Variants in SLC39A11 observed in about 807,000 individuals in gnomAD.
SLC39A11 encodes the protein solute carrier family 39 member 11.
Under a neutral mutation model 36.1 loss-of-function variants are expected in SLC39A11, and 33 were observed. The ratio of observed to expected loss-of-function variants is 0.91; its 90% CI spans 0.69 to 1.22. SLC39A11 has a LOEUF of 1.22. SLC39A11 is among the 50% of genes most tolerant of loss of function. The pLI is 0.00. For missense variants in SLC39A11, 432 were observed against 430.3 expected, an observed-to-expected ratio of 1.00 and a Z score of -0.03; for synonymous variants, 166 against 170.3, an observed-to-expected ratio of 0.97 and a Z score of 0.20.
chr17:73,074,304 AC>A lies in SLC39A11; in HGVS notation c.147+10503del, dbSNP rs1310852190. On this transcript the variant is annotated intron_variant, in intron 3 of 9. Transcript: ENST00000255559. ...ACTTCATGCTACAATTATTCCCCCCACCCCCCGCCCCAAGACAGAGTCTTGC... is the reference window on the plus strand; with the variant it reads ...ACTTCATGCTACAATTATTCCCCCCACCCCCGCCCCAAGACAGAGTCTTGC... 5.4e-5 allele frequency among the ~76,000 whole-genome samples: 3 copies of A among 55,442 alleles called. No individual in the cohort carries two copies. The Admixed American group carries it at 6.7e-4, about 12-fold the overall frequency. The allele number at this position is 55,442 out of a possible 152,430, so 36.4% of individuals were successfully genotyped here. A position where few individuals can be genotyped will look rare whatever the true frequency, so the allele number is the denominator to read the frequency against.
At chr17:73,040,988 A>AAAAAACC (rs143631644) in intron 3 of SLC39A11, among the ~76,000 whole-genome samples, 2 of 132,174 alleles carry the variant, frequency 1.5e-5, no homozygotes, top group Non-Finnish European at 3.1e-5. Flanking sequence ...CCATCTCAAA[A>AAAAAACC]AAAAAACAAA....
chr17:72,857,892 T>C (rs1022915124), intron 5 of SLC39A11, among the ~76,000 whole-genome samples: 2 of 152,186 alleles, frequency 1.3e-5, no homozygotes, highest in African/African-American at 4.8e-5. Flanking sequence ...GTCAGATGCA[T>C]AGTTTGCAAA....
chr17:72,837,360 CAAAA>C (rs34639176), intron 6 of SLC39A11, among the ~76,000 whole-genome samples: 9 of 91,132 alleles, frequency 9.9e-5, no homozygotes, highest in East Asian at 3.3e-4. Flanking sequence ...GTATATTGCT[CAAAA>C]AAAAAAAAAA....
At chr17:72,820,879 C>T (rs1250263895) in intron 6 of SLC39A11, among the ~76,000 whole-genome samples, 1 of 151,156 alleles carries the variant, frequency 6.6e-6, no homozygotes, top group East Asian at 1.9e-4. Flanking sequence ...ACAGGGTCCC[C>T]CCAGCACTTC....
At chr17:73,014,608 G>C (rs1485807473) in intron 4 of SLC39A11, among the ~76,000 whole-genome samples, 1 of 152,214 alleles carries the variant, frequency 6.6e-6, no homozygotes, top group Non-Finnish European at 1.5e-5. Flanking sequence ...AATGAACTGT[G>C]ATCGTGCCAC....
chr17:72,810,671 G>A (rs1190619547), intron 6 of SLC39A11, among the ~76,000 whole-genome samples: 1 of 152,006 alleles, frequency 6.6e-6, no homozygotes, highest in Non-Finnish European at 1.5e-5. Flanking sequence ...GGTTATATGG[G>A]ATATACATAT....
chr17:72,883,764 G>T (rs1225132237), intron 5 of SLC39A11, among the ~76,000 whole-genome samples: 1 of 152,206 alleles, frequency 6.6e-6, no homozygotes, highest in African/African-American at 2.4e-5. Flanking sequence ...CCTCCTTATT[G>T]TGGAGGGAAG....
At chr17:72,960,521 G>T (rs1420582608) in intron 4 of SLC39A11, among the ~76,000 whole-genome samples, 2 of 152,184 alleles carry the variant, frequency 1.3e-5, no homozygotes, top group African/African-American at 4.8e-5. Flanking sequence ...GCTGGATGTG[G>T]TGGTTCACGC....
chr17:72,652,118 A>G (rs764737725), intron 7 of SLC39A11, among the ~76,000 whole-genome samples: 8 of 152,192 alleles, frequency 5.3e-5, no homozygotes, highest in Admixed American at 2.0e-4. Context: ...GTGGCTATGG[A>G]CAGTACATAA....
chr17:72,889,123 T>G (rs1444674909), intron 5 of SLC39A11, among the ~76,000 whole-genome samples: 2 of 152,186 alleles, frequency 1.3e-5, no homozygotes, highest in Non-Finnish European at 2.9e-5. Context: ...TATAAACGTT[T>G]AGAGATGCAG....
chr17:72,861,664 T>TATATATATATATATATC (rs2080007343), intron 5 of SLC39A11, among the ~76,000 whole-genome samples: 1 of 101,086 alleles, frequency 9.9e-6, no homozygotes, highest in South Asian at 3.2e-4. Context: ...ACATTATATA[T>TATATATATATATATATC]ATATATATAT....
chr17:72,847,023 G>A (rs934494883), intron 6 of SLC39A11, among the ~76,000 whole-genome samples: 3 of 152,136 alleles, frequency 2.0e-5, no homozygotes, highest in African/African-American at 7.2e-5. Flanking sequence ...CTTCCACCAA[G>A]GCTAACCCAC....
intron 2 of SLC39A11, 69 bp downstream of exon 2, chr17:73,088,588 G>T: frequency 8.0e-7 from 1 of 1,246,092 alleles, no homozygotes; most frequent in Non-Finnish European, 1.2e-6. Context: ...CCTGCTCCAT[G>T]GAGTGGGACA....
intron 7 of SLC39A11, among the ~76,000 whole-genome samples, chr17:72,721,048 GAGACT>G: frequency 6.7e-6 from 1 of 149,894 alleles, no homozygotes; most frequent in East Asian, 2.0e-4. Flanking sequence ...TCTGGGGCCA[GAGACT>G]AGACTAGGCA....
At chr17:73,085,126 C>T (rs182930053) in intron 2 of SLC39A11, among the ~76,000 whole-genome samples, 2 of 152,278 alleles carry the variant, frequency 1.3e-5, no homozygotes, top group Non-Finnish European at 1.5e-5. Context: ...CTGTGAATTA[C>T]AACTGTAAAC....
At chr17:72,892,891 G>A (rs1467611576) in intron 5 of SLC39A11, among the ~76,000 whole-genome samples, 2 of 152,214 alleles carry the variant, frequency 1.3e-5, no homozygotes, top group Non-Finnish European at 1.5e-5. Flanking sequence ...GGAAGGGAAC[G>A]AATGTAGCTA....
chr17:73,046,851 G>T (rs2059310551), intron 3 of SLC39A11, among the ~76,000 whole-genome samples: 1 of 152,010 alleles, frequency 6.6e-6, no homozygotes, highest in Admixed American at 6.5e-5. Context: ...TGAAGTGGGG[G>T]CATCGCTTGA....
At chr17:72,688,528 G>A (rs956368074) in intron 7 of SLC39A11, among the ~76,000 whole-genome samples, 47 of 152,362 alleles carry the variant, frequency 3.1e-4, no homozygotes, top group African/African-American at 9.9e-4. Context: ...TCTTCAGGAA[G>A]TGGAGGATGC....
chr17:72,862,410 G>T (rs7220434), intron 5 of SLC39A11, among the ~76,000 whole-genome samples: 1,722 of 152,292 alleles, frequency 0.011, 27 homozygotes, highest in African/African-American at 0.038. Flanking sequence ...GAGGACAAAG[G>T]AGGCTGCCCT....
Sources: allele counts gnomAD v4.1 joint callset (sites outside exome capture counted in the v4.1 genomes callset), GRCh38; gene constraint gnomAD v4.1.1; transcripts MANE v1.5; gene names NCBI Gene and HGNC (gene_info 2026-07-23, HGNC 2026-07-21).